SDK1: variants seen among roughly 807,000 people sequenced by gnomAD.
SDK1 encodes the protein protein sidekick-1.
In SDK1, 157 loss-of-function variants were observed where a neutral mutation model predicts 245.5. The ratio of observed to expected loss-of-function variants is 0.64; its 90% CI spans 0.56 to 0.73. The LOEUF (loss-of-function observed/expected upper bound fraction) is 0.73, where lower values mean the gene tolerates loss of function less well. Ranked by LOEUF, SDK1 falls within the 30% of genes least tolerant of loss-of-function variation. The pLI is 0.00. For synonymous variants in SDK1, 1,647 were observed against 1,278.5 expected (o/e 1.29, Z -6.15); for missense variants, 3,583 against 3,002.3 (o/e 1.19, Z -4.52).
intron 4 of SDK1, among the ~76,000 whole-genome samples, chr7:3,700,320 T>C (rs1002580753): frequency 6.6e-6 from 1 of 152,310 alleles, no homozygotes; most frequent in Non-Finnish European, 1.5e-5. Context: ...TTTCTTTTCC[T>C]TTTGAGTTGT....
At chr7:3,497,076 C>G (rs1157058313) in intron 1 of SDK1, among the ~76,000 whole-genome samples, 2 of 152,122 alleles carry the variant, frequency 1.3e-5, no homozygotes, top group African/African-American at 2.4e-5. Flanking sequence ...TAAAATTGTT[C>G]TAGAGAAGAA....
chr7:3,382,024 C>T (rs955074573), intron 1 of SDK1, among the ~76,000 whole-genome samples: 1 of 152,220 alleles, frequency 6.6e-6, no homozygotes, highest in Non-Finnish European at 1.5e-5. Context: ...TGATGCCCTA[C>T]TCTGTCTCAG....
At chr7:3,332,777 T>TC (rs536374223) in intron 1 of SDK1, among the ~76,000 whole-genome samples, 256 of 152,224 alleles carry the variant, frequency 1.7e-3, no homozygotes, top group Non-Finnish European at 3.0e-3. Context: ...TAACTTCTTT[T>TC]CCCCCCAGGA....
At chr7:3,558,048 G>A (rs1779641910) in intron 1 of SDK1, among the ~76,000 whole-genome samples, 1 of 122,014 alleles carries the variant, frequency 8.2e-6, no homozygotes, top group African/African-American at 3.2e-5. Flanking sequence ...TTTCCCTTAA[G>A]TATTCACAGT....
chr7:4,262,016 TC>T (rs1562491593), intron 44 of SDK1, among the ~76,000 whole-genome samples: 5 of 120,268 alleles, frequency 4.2e-5, no homozygotes, highest in African/African-American at 1.6e-4. Context: ...CTCTGCTTTC[TC>T]CTTTTTTTTT....
intron 1 of SDK1, among the ~76,000 whole-genome samples, chr7:3,537,014 T>A (rs1451025268): frequency 1.3e-5 from 2 of 152,216 alleles, no homozygotes; most frequent in African/African-American, 4.8e-5. Flanking sequence ...TTTACACATA[T>A]TAAAATGCAC....
At chr7:4,229,426 T>C (rs1245823867) in intron 40 of SDK1, among the ~76,000 whole-genome samples, 1 of 152,184 alleles carries the variant, frequency 6.6e-6, no homozygotes, top group African/African-American at 2.4e-5. Context: ...CATTTTTGAG[T>C]GTAAATGGAT....
chr7:4,253,665 G>A (rs986995183), intron 44 of SDK1, among the ~76,000 whole-genome samples: 2 of 152,108 alleles, frequency 1.3e-5, no homozygotes, highest in Non-Finnish European at 2.9e-5. Context: ...TTATCATGTT[G>A]TTTCCATCTT....
At position 4,078,467 on chromosome 7, in the gene SDK1, C is replaced by T. The variant is rs146536923; in HGVS notation, c.3203-996C>T. Among the ~76,000 whole-genome samples, 432 of 152,142 alleles carry T rather than the reference C, an allele frequency of 2.8e-3. 1 individual carries two copies. The highest frequency in any genetic ancestry group is 0.015 in the South Asian group (71 of 4,814). On this transcript the variant is annotated intron_variant, in intron 21 of 44. Coordinates refer to ENST00000404826, the MANE Select transcript of SDK1 (RefSeq NM_152744.4). ...AAAGGACCCTTGAGATCCTACAGAC[C>T]CTGCCCATGCCGATACTGAATTGAT...
intron 4 of SDK1, among the ~76,000 whole-genome samples, chr7:3,782,997 A>C (rs936343636): frequency 6.6e-6 from 1 of 152,228 alleles, no homozygotes; most frequent in Admixed American, 6.5e-5. Context: ...ACTGAATTCA[A>C]CAACACATTA....
At chr7:3,972,440 C>T (rs771622772) in intron 12 of SDK1, among the ~76,000 whole-genome samples, 4 of 152,156 alleles carry the variant, frequency 2.6e-5, no homozygotes, top group Admixed American at 6.5e-5. Flanking sequence ...AGGAAAGTAA[C>T]TGCAAAATAT....
At chr7:3,695,928 C>T (rs765913709) in intron 4 of SDK1, among the ~76,000 whole-genome samples, 19 of 152,154 alleles carry the variant, frequency 1.2e-4, no homozygotes, top group African/African-American at 3.4e-4. Context: ...TCACTTATTT[C>T]GGGTTTTGCA....
intron 19 of SDK1, among the ~76,000 whole-genome samples, chr7:4,059,839 C>T (rs375907191): frequency 2.0e-5 from 3 of 151,682 alleles, no homozygotes; most frequent in African/African-American, 7.3e-5. Flanking sequence ...CCTGAATGAC[C>T]TTTGGGTCAA....
chr7:3,596,350 G>C (rs1482893195), intron 1 of SDK1, among the ~76,000 whole-genome samples: 2 of 152,208 alleles, frequency 1.3e-5, no homozygotes, highest in African/African-American at 4.8e-5. Context: ...GTGACCATCA[G>C]AACAAACCAC....
chr7:3,435,321 C>CT (rs71029672), intron 1 of SDK1, among the ~76,000 whole-genome samples: 1,100 of 56,896 alleles, frequency 0.019, 140 homozygotes, highest in East Asian at 0.046. Flanking sequence ...AGGGGACTGC[C>CT]TTTTTTTTTT....
At chr7:3,357,640 C>G (rs6953405) in intron 1 of SDK1, among the ~76,000 whole-genome samples, 3,506 of 151,954 alleles carry the variant, frequency 0.023, 146 homozygotes, top group African/African-American at 0.079. Flanking sequence ...GAGCCGCACG[C>G]CCAGCCCACT....
At chr7:3,975,267 A>G (rs1306330154) in intron 13 of SDK1, among the ~76,000 whole-genome samples, 1 of 152,166 alleles carries the variant, frequency 6.6e-6, no homozygotes, top group African/African-American at 2.4e-5. Context: ...CCGTGAGTGC[A>G]TGAGTACAAA....
At chr7:3,848,633 C>A (rs1168356022) in intron 5 of SDK1, among the ~76,000 whole-genome samples, 1 of 151,958 alleles carries the variant, frequency 6.6e-6, no homozygotes, top group Non-Finnish European at 1.5e-5. Flanking sequence ...AGAAGACCAC[C>A]ACCCAGGCCA....
chr7:3,673,962 A>G (rs1417889669), intron 4 of SDK1, among the ~76,000 whole-genome samples: 2 of 152,186 alleles, frequency 1.3e-5, no homozygotes, highest in Non-Finnish European at 2.9e-5. Context: ...TAAGAATAAG[A>G]GATAATTTCT....
Sources: gnomAD v4.1 joint callset for allele counts (sites outside exome capture counted in the v4.1 genomes callset) on GRCh38, gnomAD v4.1.1 for gene constraint, MANE v1.5 for transcripts, NCBI Gene and HGNC (gene_info 2026-07-23, HGNC 2026-07-21) for gene names.